Variants in CD244 observed in about 807,000 individuals in gnomAD.
CD244 encodes CD244 molecule, also known as natural killer cell receptor 2B4.
Under a neutral mutation model 45.5 loss-of-function variants are expected in CD244, and 20 were observed. The ratio of observed to expected loss-of-function variants is 0.44; its 90% CI spans 0.31 to 0.64. CD244 has a LOEUF of 0.64. CD244 is among the 30% of genes least tolerant of loss of function. The pLI is 0.08. For missense variants in CD244, 407 were observed against 426.9 expected, an observed-to-expected ratio of 0.95 and a Z score of 0.41; for synonymous variants, 185 against 160.5, an observed-to-expected ratio of 1.15 and a Z score of -1.15.
chr1:160,845,197 T>G (rs1016456466), intron 1 of CD244, among the ~76,000 whole-genome samples: 6 of 152,138 alleles, frequency 3.9e-5, no homozygotes, highest in African/African-American at 1.4e-4. Context: ...AAATTGGATT[T>G]TTTTTAAAGA....
rs145128639 is a variant in CD244, at chr1:160,832,277, A to T, written c.1017+242T>A. The stretch of plus-strand genomic sequence containing the variant: ...ACTAGCTCGGGGACGGCCCTAATTT[A>T]AAACCCAAGCTGCCCAGTAAGTATC... On this transcript the variant is annotated intron_variant, in intron 8 of 8. Coordinates refer to ENST00000368034, the MANE Select transcript of CD244 (RefSeq NM_016382.4). 8.0e-4 allele frequency among the ~76,000 whole-genome samples: 122 copies of T among 152,326 alleles called. 1 individual carries two copies. Among genetic ancestry groups the T allele is most frequent in the Non-Finnish European group, 1.4e-3 (92 of 68,032 alleles).
At chr1:160,858,795 G>C (rs1055657373) in intron 1 of CD244, among the ~76,000 whole-genome samples, 1 of 152,210 alleles carries the variant, frequency 6.6e-6, no homozygotes, top group African/African-American at 2.4e-5. Flanking sequence ...ATCCTCAATA[G>C]CCCTGGTTCA....
At chr1:160,839,851 T>C (rs1669470851) in intron 3 of CD244, among the ~76,000 whole-genome samples, 1 of 152,228 alleles carries the variant, frequency 6.6e-6, no homozygotes, top group Admixed American at 6.5e-5. Flanking sequence ...AAGTTTTCCG[T>C]CTCACTTTTC....
In CD244 at chr1:160,836,287, C is replaced by G. The variant is rs75645010; in HGVS notation, c.835-33G>C. ...AGAAATGGAGATGGGGTAACATGAG[C>G]GACAGTTCGGTCTGTCCAGATTTAG... On this transcript the variant is annotated intron_variant, in intron 5 of 8. Transcript: ENST00000368034. The G allele has an allele frequency of 1.5e-3, 2,290 of 1,564,922 alleles. 43 individuals carry two copies. The African/African-American group carries it at 0.027, about 18-fold the overall frequency.
intron 1 of CD244, among the ~76,000 whole-genome samples, chr1:160,852,993 A>C (rs1557842795): frequency 6.6e-6 from 1 of 152,202 alleles, no homozygotes; most frequent in Non-Finnish European, 1.5e-5. Context: ...ATTGCACTCC[A>C]GCCTGGGCAA....
At chr1:160,836,881 T>C (rs1355517467) in intron 5 of CD244, among the ~76,000 whole-genome samples, 1 of 152,038 alleles carries the variant, frequency 6.6e-6, no homozygotes, top group African/African-American at 2.4e-5. Context: ...GGCAGCAGGG[T>C]TCATTAGGCA....
chr1:160,839,307 C>T (rs543367002), intron 3 of CD244: 38 of 339,026 alleles, frequency 1.1e-4, no homozygotes, highest in Admixed American at 3.1e-4. Flanking sequence ...TTTATTTAAC[C>T]TCTCTGGGCC....
At chr1:160,840,355 G>A (rs918679469) in intron 3 of CD244, among the ~76,000 whole-genome samples, 2 of 152,076 alleles carry the variant, frequency 1.3e-5, no homozygotes, top group African/African-American at 4.8e-5. Context: ...TCCGCCTCCT[G>A]GGTTCAAGCA....
At position 160,831,412 on chromosome 1, in the gene CD244, G is replaced by T; in HGVS notation, c.1033C>A (p.Pro345Thr). The change falls in exon 9 of 9, where the codon CCT becomes ACT. Residue 345 changes from proline to threonine, a missense_variant. Transcript: ENST00000368034. ...TIYEVIGKSQ[P>T]KAQNPARLSR... Reference sequence around the variant, plus strand: ...AATCGAGCAGGGTTCTGGGCTTTAGGTTGACTCTTTCCAATCTGCAAAAGA... The same window carrying T: ...AATCGAGCAGGGTTCTGGGCTTTAGTTTGACTCTTTCCAATCTGCAAAAGA... 6.2e-7 allele frequency: 1 copy of T among 1,613,846 alleles called. No individual in the cohort carries two copies. Among genetic ancestry groups the T allele is most frequent in the Non-Finnish European group, 8.5e-7 (1 of 1,179,726 alleles).
intron 1 of CD244, among the ~76,000 whole-genome samples, chr1:160,846,539 G>A (rs911881402): frequency 1.2e-4 from 18 of 151,946 alleles, no homozygotes; most frequent in African/African-American, 3.9e-4. Flanking sequence ...GGTGGCACGC[G>A]CCCATAATCC....
At chr1:160,844,427 T>C (rs1458333858) in intron 1 of CD244, among the ~76,000 whole-genome samples, 1 of 152,216 alleles carries the variant, frequency 6.6e-6, no homozygotes, top group Non-Finnish European at 1.5e-5. Flanking sequence ...CAATGTGACT[T>C]TACAGCTCCT....
At chr1:160,840,919 T>C (rs1397809392) in intron 3 of CD244, among the ~76,000 whole-genome samples, 1 of 152,150 alleles carries the variant, frequency 6.6e-6, no homozygotes, top group African/African-American at 2.4e-5. Context: ...AAAATAATGT[T>C]CAGGAGCCAT....
chr1:160,859,859 G>A (rs543080644), intron 1 of CD244, among the ~76,000 whole-genome samples: 3 of 151,960 alleles, frequency 2.0e-5, no homozygotes, highest in Non-Finnish European at 2.9e-5. Context: ...ACAGTGAGCC[G>A]TGAGCATGCC....
At chr1:160,858,239 G>A (rs1448618390) in intron 1 of CD244, among the ~76,000 whole-genome samples, 5 of 150,276 alleles carry the variant, frequency 3.3e-5, no homozygotes, top group African/African-American at 1.2e-4. Flanking sequence ...GAGGTGCAAT[G>A]AGGAAGAGAA....
intron 3 of CD244, 27 bp from the exon 4 acceptor site, chr1:160,839,076 TG>T: frequency 1.3e-6 from 2 of 1,530,574 alleles, no homozygotes; most frequent in Non-Finnish European, 1.8e-6. Flanking sequence ...GCGTGAGAAC[TG>T]AGCTGTCAGC....
At chr1:160,834,226 G>A in intron 6 of CD244, 110 bp from the exon 7 acceptor site, 1 of 818,132 alleles carries the variant, frequency 1.2e-6, no homozygotes, top group Non-Finnish European at 2.0e-6. Flanking sequence ...GAAGCTTCAA[G>A]TGTTAGTGAA....
intron 5 of CD244, among the ~76,000 whole-genome samples, chr1:160,836,675 C>T (rs538784453): frequency 6.6e-6 from 1 of 152,310 alleles, no homozygotes; most frequent in South Asian, 2.1e-4. Flanking sequence ...GGCCACCTTG[C>T]CCTTGACCTC....
intron 1 of CD244, among the ~76,000 whole-genome samples, chr1:160,854,681 A>T (rs936389745): frequency 6.6e-6 from 1 of 151,958 alleles, no homozygotes; most frequent in African/African-American, 2.4e-5. Context: ...CACCACTCCC[A>T]GCCATAGACT....
At chr1:160,855,409 T>C (rs1417421699) in intron 1 of CD244, among the ~76,000 whole-genome samples, 1 of 152,110 alleles carries the variant, frequency 6.6e-6, no homozygotes, top group Non-Finnish European at 1.5e-5. Context: ...TGGAATGAGT[T>C]TCCATGGACG....
Sources: allele counts gnomAD v4.1 joint callset (sites outside exome capture counted in the v4.1 genomes callset), GRCh38; gene constraint gnomAD v4.1.1; transcripts MANE v1.5; gene names NCBI Gene and HGNC (gene_info 2026-07-23, HGNC 2026-07-21).